BUB1: variants seen among roughly 807,000 people sequenced by gnomAD.
The protein encoded by BUB1 is mitotic checkpoint serine/threonine-protein kinase BUB1.
In BUB1, 84 loss-of-function variants were observed where a neutral mutation model predicts 135.2. That is an observed-to-expected ratio of 0.62 (90% confidence interval 0.52 to 0.74). BUB1 has a LOEUF of 0.74. Among genes scored for constraint, BUB1 ranks in the 30% least tolerant of loss-of-function variants. The probability of loss-of-function intolerance (pLI) is 0.00; values close to 1 mark genes in which losing one functional copy is unlikely to be tolerated. For synonymous variants in BUB1, 403 were observed against 434.4 expected, an observed-to-expected ratio of 0.93 and a Z score of 0.90; for missense variants, 1,162 against 1,288.3, an observed-to-expected ratio of 0.90 and a Z score of 1.50.
chr2:110,676,791 T>C (rs887984117), intron 1 of BUB1, among the ~76,000 whole-genome samples: 1 of 152,098 alleles, frequency 6.6e-6, no homozygotes, highest in African/African-American at 2.4e-5. Context: ...TGTAAATATT[T>C]ATATTTCCAA....
In BUB1 at chr2:110,639,625, C is replaced by A. The variant is rs1689448683; in HGVS notation, c.3062+117G>T. The A allele has an allele frequency of 4.8e-6, 4 of 828,622 alleles. No homozygotes were observed. In the South Asian group the frequency reaches 4.9e-5, roughly 10 times the overall value. 51.3% of individuals were successfully genotyped at this position (828,622 alleles called of 1,614,324 possible). A position where few individuals can be genotyped will look rare whatever the true frequency, so the allele number is the denominator to read the frequency against. On this transcript the variant is annotated intron_variant, in intron 24 of 24. Transcript: ENST00000302759. ...CAGGACTGTCCTGTCACCATATTGCCCAAGGCATAGGATTTCCATGCGGTG... is the reference window on the plus strand; with the variant it reads ...CAGGACTGTCCTGTCACCATATTGCACAAGGCATAGGATTTCCATGCGGTG...
In BUB1 at chr2:110,657,652, C is replaced by T; in HGVS notation, c.1517-7G>A. ...CCAGATGACCTTACATTTTCTGCAA[C>T]AGAATAAAAAATAGCATCTAATTAT... On this transcript the variant is annotated splice_region_variant and splice_polypyrimidine_tract_variant and intron_variant, in intron 13 of 24. Transcript: ENST00000302759. 2 of 1,551,012 alleles carry T rather than the reference C, an allele frequency of 1.3e-6. No homozygotes were observed. The highest frequency in any genetic ancestry group is 2.8e-5 in the African/African-American group (2 of 72,358).
At chr2:110,639,283 TGA>T (rs1689436750) in intron 24 of BUB1, among the ~76,000 whole-genome samples, 1 of 151,692 alleles carries the variant, frequency 6.6e-6, no homozygotes, top group Admixed American at 6.6e-5. Context: ...GACTGTCCTG[TGA>T]GAGAGAGCTA....
At chr2:110,656,965 G>T in intron 15 of BUB1, 71 bp downstream of exon 15, 2 of 1,114,648 alleles carry the variant, frequency 1.8e-6, no homozygotes, top group Middle Eastern at 2.0e-4. Context: ...CCTCTGACTG[G>T]CATAATCATT....
intron 19 of BUB1, among the ~76,000 whole-genome samples, chr2:110,644,675 A>T (rs1689597877): frequency 6.6e-6 from 1 of 152,104 alleles, no homozygotes; most frequent in Non-Finnish European, 1.5e-5. Context: ...AGACAAAACC[A>T]TCTTACCTAT....
In BUB1 at chr2:110,649,297, G is replaced by C; in HGVS notation, c.2284C>G (p.Pro762Ala). ...SGLSKPVSSYPNTFEWQCKLP... is the reference protein window; with the variant it reads ...SGLSKPVSSYANTFEWQCKLP... ...TTACATTGCCATTCAAAAGTATTTGGATAGGAACTCACTGGTTTAGAAAGC... is the reference window on the plus strand; with the variant it reads ...TTACATTGCCATTCAAAAGTATTTGCATAGGAACTCACTGGTTTAGAAAGC... Residue 762 changes from proline to alanine, a missense_variant, in exon 19 of 25, where the codon CCA (proline) becomes GCA (alanine). Physicochemically the swap from Pro to Ala is conservative, Grantham distance 27. Transcript: ENST00000302759. 1 of 1,612,286 alleles carries C rather than the reference G, an allele frequency of 6.2e-7. No homozygotes were observed. The highest frequency in any genetic ancestry group is 8.5e-7 in the Non-Finnish European group (1 of 1,179,172).
chr2:110,649,391 G>T lies in BUB1; in HGVS notation c.2204-14C>A, dbSNP rs879232941. 1.4e-4 allele frequency: 154 copies of T among 1,127,560 alleles called. No homozygotes were observed. The highest frequency in any genetic ancestry group is 6.7e-4 in the Middle Eastern group (2 of 2,990). 69.8% of individuals were successfully genotyped at this position (1,127,560 alleles called of 1,614,324 possible). ...CAACAATGAAGTCTTAAAGGAATGA[G>T]AAAAAAAAAAAAAAAGGGAACATGA... On this transcript the variant is annotated splice_polypyrimidine_tract_variant and intron_variant, in intron 18 of 24. Transcript: ENST00000302759.
chr2:110,672,176 G>A (rs1690441366), intron 4 of BUB1, among the ~76,000 whole-genome samples: 4 of 152,042 alleles, frequency 2.6e-5, no homozygotes, highest in Admixed American at 2.6e-4. Context: ...GCAGTGAGCT[G>A]AGATTACACC....
chr2:110,660,034 C>T lies in BUB1; in HGVS notation c.1220G>A (p.Cys407Tyr). The T allele has an allele frequency of 6.2e-7, 1 of 1,610,836 alleles. No individual in the cohort carries two copies. The highest frequency in any genetic ancestry group is 8.5e-7 in the Non-Finnish European group (1 of 1,177,606). Residue 407 changes from cysteine to tyrosine, a missense_variant and splice_region_variant, in exon 11 of 25, where the codon TGT (cysteine) becomes TAT (tyrosine). Coordinates refer to ENST00000302759, the MANE Select transcript of BUB1 (RefSeq NM_004336.5). ...MFAVASKDAG[C>Y]VNKSTHEFKP... ...GAATTCATGAGTACTCTTATTCACA[C>T]ATCTGGAAGAGAAAACTCTTGAGAC...
rs748830932 is a variant in BUB1, at chr2:110,649,367, A to C, written c.2214T>G (p.Val738=). Residue 738 remains valine (V), a synonymous_variant, in exon 19 of 25, where the codon GTT becomes GTG. Coordinates refer to ENST00000302759, the MANE Select transcript of BUB1 (RefSeq NM_004336.5). ...LGTVDAPNFI[V]GNPWDDKLIF... ...TCAGCTTATCATCCCATGGGTTCCCAACAATGAAGTCTTAAAGGAATGAGA... is the reference window on the plus strand; with the variant it reads ...TCAGCTTATCATCCCATGGGTTCCCCACAATGAAGTCTTAAAGGAATGAGA... 8.8e-6 allele frequency: 14 copies of C among 1,591,268 alleles called. No homozygotes were observed. Among genetic ancestry groups the C allele is most frequent in the African/African-American group, 1.4e-5 (1 of 73,302 alleles).
chr2:110,676,276 A>G (rs574709281), intron 1 of BUB1, among the ~76,000 whole-genome samples: 3 of 152,348 alleles, frequency 2.0e-5, no homozygotes, highest in Non-Finnish European at 2.9e-5. Flanking sequence ...TCAGTCTCTC[A>G]TAACAGAAAT....
At chr2:110,657,507 A>G in intron 14 of BUB1, 39 bp downstream of exon 14, 1 of 1,481,372 alleles carries the variant, frequency 6.8e-7, no homozygotes, top group Non-Finnish European at 9.2e-7. Context: ...CCCAGAGAAA[A>G]CTCGGCAGCA....
At position 110,639,849 on chromosome 2, in the gene BUB1, C is replaced by T; in HGVS notation, c.2956-1G>A. On this transcript the variant is annotated splice_acceptor_variant, in intron 23 of 24. Coordinates refer to ENST00000302759, the MANE Select transcript of BUB1 (RefSeq NM_004336.5). LOFTEE classifies it high-confidence loss of function. ...TTGCAGCAACCCCAAAGTAATCGAT[C>T]TATGAAGAAGATAGAGGTATATATG... 1.2e-6 allele frequency: 2 copies of T among 1,609,764 alleles called. No homozygotes were observed. Among genetic ancestry groups the T allele is most frequent in the Non-Finnish European group, 1.7e-6 (2 of 1,176,082 alleles).
At position 110,641,876 on chromosome 2, in the gene BUB1, T is replaced by G. The variant is rs1020018307; in HGVS notation, c.2464-73A>C. On this transcript the variant is annotated intron_variant, in intron 20 of 24. Transcript: ENST00000302759. ...AATGATAGCAATAAAGCAACCTCTA[T>G]CCCAATAAAAGATGTGGTGTTGATA... 7 of 1,476,920 alleles carry G rather than the reference T, an allele frequency of 4.7e-6. No homozygotes were observed. The East Asian group carries it at 1.6e-4, about 33-fold the overall frequency. The allele number at this position is 1,476,920 out of a possible 1,614,324, so 91.5% of individuals were successfully genotyped here.
At chr2:110,656,657 C>T (rs911224407) in intron 15 of BUB1, among the ~76,000 whole-genome samples, 2 of 152,142 alleles carry the variant, frequency 1.3e-5, no homozygotes, top group Non-Finnish European at 2.9e-5. Flanking sequence ...GCAGAATCTC[C>T]CATGTTTCCC....
chr2:110,647,811 G>A (rs1341326230), intron 19 of BUB1, among the ~76,000 whole-genome samples: 1 of 152,132 alleles, frequency 6.6e-6, no homozygotes, highest in African/African-American at 2.4e-5. Flanking sequence ...ATTCAACACA[G>A]TATGTCTTCA....
At chr2:110,660,697 TA>T (rs1464945354) in intron 10 of BUB1, among the ~76,000 whole-genome samples, 1 of 152,334 alleles carries the variant, frequency 6.6e-6, no homozygotes, top group East Asian at 1.9e-4. Context: ...TTACAGAGGT[TA>T]AAGAGTTGAG....
chr2:110,670,136 T>G (rs903512843), intron 5 of BUB1, among the ~76,000 whole-genome samples: 2,285 of 141,710 alleles, frequency 0.016, 54 homozygotes, highest in African/African-American at 0.058. Context: ...GTTTTTTTTT[T>G]TTTTTTTTTT....
intron 8 of BUB1, 35 bp downstream of exon 8, chr2:110,667,486 C>T: frequency 6.4e-7 from 1 of 1,567,166 alleles, no homozygotes; most frequent in Non-Finnish European, 8.6e-7. Context: ...TTTTATGTGA[C>T]ATAAGAATAA....
Sources: gnomAD v4.1 joint callset for allele counts (sites outside exome capture counted in the v4.1 genomes callset) on GRCh38, gnomAD v4.1.1 for gene constraint, MANE v1.5 for transcripts, NCBI Gene and HGNC (gene_info 2026-07-23, HGNC 2026-07-21) for gene names.